The following HNRNPM variants were observed in gnomAD, a reference collection of about 807,000 sequenced individuals.
The protein encoded by HNRNPM is heterogeneous nuclear ribonucleoprotein M, also known as CEA receptor.
HNRNPM carries 11 observed loss-of-function variants against 73.1 expected under a neutral mutation model. The observed-to-expected ratio is 0.15, with a 90% confidence interval of 0.09 to 0.25. The LOEUF is 0.25. HNRNPM is among the 10% of genes least tolerant of loss of function. The probability of loss-of-function intolerance (pLI) is 1.00; values close to 1 mark genes in which losing one functional copy is unlikely to be tolerated. For missense variants in HNRNPM, 789 were observed against 1,067.9 expected (o/e 0.74, Z 3.64); for synonymous variants, 407 against 355.2 (o/e 1.15, Z -1.64).
At chr19:8,473,606 C>A (rs921698113) in intron 10 of HNRNPM, 58 bp from the exon 11 acceptor site, 5 of 1,057,438 alleles carry the variant, frequency 4.7e-6, no homozygotes, top group South Asian at 1.3e-5. Context: ...TTTTTAAGTT[C>A]AAACGTTATT....
In HNRNPM at chr19:8,468,782, G is replaced by C. The variant is rs779460466; in HGVS notation, c.843G>C (p.Arg281Ser). The C allele has an allele frequency of 6.2e-7, 1 of 1,613,470 alleles. No homozygotes were observed. Among genetic ancestry groups the C allele is most frequent in the Non-Finnish European group, 8.5e-7 (1 of 1,179,462 alleles). The change falls in exon 9 of 16, where the codon AGG becomes AGC. Residue 281 changes from arginine to serine, a missense_variant. By Grantham distance (110) the Arg-to-Ser change is moderately radical (BLOSUM62 -1). Transcript: ENST00000325495. ...DRPMHVKMDE[R>S]ALPKGDFFPP... is the part of the protein sequence containing the mutation. ...TTTTCTTTCTCTTTCAGGATGAGAG[G>C]GCCTTACCAAAAGGAGATTTCTTCC...
chr19:8,489,038 T>C lies in HNRNPM; in HGVS notation c.*184T>C, dbSNP rs1568310141. 1.8e-6 allele frequency: 1 copy of C among 557,294 alleles called. No individual in the cohort carries two copies. The highest frequency in any genetic ancestry group is 3.1e-6 in the Non-Finnish European group (1 of 319,504). The allele number at this position is 557,294 out of a possible 1,614,324, so 34.5% of individuals were successfully genotyped here. A position where few individuals can be genotyped will look rare whatever the true frequency, so the allele number is the denominator to read the frequency against. Reference sequence around the variant, plus strand: ...GACTGTTTGCATTGAGATTGCAATGTGCGCAATTTTTTTTGTAGTTGTGGC... The same window carrying C: ...GACTGTTTGCATTGAGATTGCAATGCGCGCAATTTTTTTTGTAGTTGTGGC... On this transcript the variant is annotated 3_prime_UTR_variant, in exon 16 of 16. Coordinates refer to ENST00000325495, the MANE Select transcript of HNRNPM (RefSeq NM_005968.5).
At chr19:8,460,163 A>G (rs1043078806) in intron 2 of HNRNPM, among the ~76,000 whole-genome samples, 6 of 152,230 alleles carry the variant, frequency 3.9e-5, no homozygotes, top group African/African-American at 1.4e-4. Flanking sequence ...GAATGTGACC[A>G]GACTGTTTAC....
chr19:8,481,582 G>A (rs992178471), intron 12 of HNRNPM: 4 of 152,272 alleles, frequency 2.6e-5, no homozygotes, highest in Admixed American at 6.5e-5. Context: ...GCTTGATCTA[G>A]TTCAGGGGTG....
At position 8,474,222 on chromosome 19, in the gene HNRNPM, G is replaced by C. The variant is rs375739833; in HGVS notation, c.1098G>C (p.Gly366=). 6.3e-7 allele frequency: 1 copy of C among 1,595,520 alleles called. No homozygotes were observed. The highest frequency in any genetic ancestry group is 1.1e-5 in the South Asian group (1 of 88,314). ...AAAACATGGGTCGATTTGGATCTGG[G>C]ATGAACATGGGCAGGATAAATGGTA... ...GMENMGRFGS[G]MNMGRINEIL... Residue 366 remains glycine, a synonymous_variant, in exon 12 of 16, where the codon GGG becomes GGC. Coordinates refer to ENST00000325495, the MANE Select transcript of HNRNPM (RefSeq NM_005968.5).
chr19:8,451,565 C>T (rs1449862852), intron 1 of HNRNPM, among the ~76,000 whole-genome samples: 3 of 152,092 alleles, frequency 2.0e-5, no homozygotes, highest in Non-Finnish European at 4.4e-5. Flanking sequence ...GAGACAGGGT[C>T]TCCCGCTGTT....
At chr19:8,486,664 G>A (rs151303366) in intron 14 of HNRNPM, among the ~76,000 whole-genome samples, 1 of 152,232 alleles carries the variant, frequency 6.6e-6, no homozygotes, top group African/African-American at 2.4e-5. Flanking sequence ...TGGTTGGCTT[G>A]AAGAGGCACT....
chr19:8,487,159 G>A (rs938115873), intron 15 of HNRNPM, 84 bp downstream of exon 15: 1 of 1,163,062 alleles, frequency 8.6e-7, no homozygotes, highest in Non-Finnish European at 1.3e-6. Context: ...CTCCCTCCCA[G>A]CCCCCTCCGT....
Position 8,486,056 on chromosome 19 carries a change from G to A in HNRNPM, c.1628G>A (p.Arg543His). ...GCAGGTATGGGAGCTGGCCTGGAGC[G>A]CATGGGCCCCGTGATGGATCGCATG... is the stretch of plus-strand genomic sequence containing the variant. ...VPAGMGAGLE[R>H]MGPVMDRMAT... Residue 543 changes from arginine to histidine, a missense_variant, in exon 14 of 16, where the codon CGC becomes CAC. This residue lies in a region of HNRNPM where 604 missense variants were observed against 744.0 expected (regional missense o/e 0.81). Transcript: ENST00000325495. The A allele has an allele frequency of 1.2e-6, 2 of 1,606,456 alleles. No homozygotes were observed. Among genetic ancestry groups the A allele is most frequent in the Non-Finnish European group, 1.7e-6 (2 of 1,179,626 alleles).
At chr19:8,471,141 C>CAGA (rs1599806863) in intron 9 of HNRNPM, among the ~76,000 whole-genome samples, 185 bp from the exon 10 acceptor site, 1 of 151,540 alleles carries the variant, frequency 6.6e-6, no homozygotes, top group East Asian at 1.9e-4. Flanking sequence ...ATATCCCAAA[C>CAGA]GCCGGAACAA....
chr19:8,479,772 A>T (rs74180129), intron 12 of HNRNPM, among the ~76,000 whole-genome samples: 17,525 of 42,220 alleles, frequency 0.42, 3,306 homozygotes, highest in Non-Finnish European at 0.55. Flanking sequence ...AAAAAAAAAA[A>T]TTTTTTTTTT....
chr19:8,485,236 G>T (rs1971193579), intron 13 of HNRNPM, among the ~76,000 whole-genome samples: 1 of 152,016 alleles, frequency 6.6e-6, no homozygotes. Context: ...GGGTGTCCAT[G>T]CCTCCCCCTG....
intron 12 of HNRNPM, among the ~76,000 whole-genome samples, chr19:8,477,660 C>CAAAAAAAAAAAA (rs35193948): frequency 4.3e-5 from 5 of 117,092 alleles, no homozygotes; most frequent in African/African-American, 1.5e-4. Context: ...AACCCTGTCT[C>CAAAAAAAAAAAA]AAAAAAAAAA....
chr19:8,455,143 T>A (rs1306655261), intron 1 of HNRNPM, among the ~76,000 whole-genome samples: 1 of 152,052 alleles, frequency 6.6e-6, no homozygotes, highest in Non-Finnish European at 1.5e-5. Flanking sequence ...TGGCTAAGTT[T>A]TATATATATT....
At chr19:8,455,612 G>T (rs1348813573) in intron 2 of HNRNPM, 38 bp downstream of exon 2, 1 of 1,553,176 alleles carries the variant, frequency 6.4e-7, no homozygotes, top group South Asian at 1.1e-5. Flanking sequence ...GAGAAGGTTG[G>T]TGTGTCATCT....
In HNRNPM at chr19:8,465,447, A is replaced by G; in HGVS notation, c.562A>G (p.Asn188Asp). The change falls in exon 6 of 16, where the codon AAC becomes GAC. Residue 188 changes from asparagine (N) to aspartate (D), a missense_variant. By Grantham distance (23) the Asn-to-Asp change is conservative. This residue lies in a region of HNRNPM where 604 missense variants were observed against 744.0 expected (regional missense o/e 0.81). Coordinates refer to ENST00000325495, the MANE Select transcript of HNRNPM (RefSeq NM_005968.5). Reference protein sequence around the residue: ...TIPPSILNNPNIPNEIIHALQ... With the variant: ...TIPPSILNNPDIPNEIIHALQ... ...CCCACCCAGTATCCTAAATAATCCC[A>G]ACATCCCAAATGAGATTATCCATGC... The G allele has an allele frequency of 6.2e-7, 1 of 1,613,868 alleles. No homozygotes were observed.
intron 9 of HNRNPM, among the ~76,000 whole-genome samples, chr19:8,470,311 C>G (rs1029382672): frequency 6.6e-6 from 1 of 152,040 alleles, no homozygotes; most frequent in Non-Finnish European, 1.5e-5. Context: ...ACTTTGTTTG[C>G]TTTCTTTCCT....
chr19:8,446,629 C>T (rs1262101894), intron 1 of HNRNPM, among the ~76,000 whole-genome samples: 2 of 152,152 alleles, frequency 1.3e-5, no homozygotes, highest in Non-Finnish European at 2.9e-5. Context: ...TCTGAAACTC[C>T]TGGGTTCAAG....
intron 12 of HNRNPM, among the ~76,000 whole-genome samples, chr19:8,475,903 CTCTTTT>C (rs985732302): frequency 2.7e-4 from 28 of 105,502 alleles, no homozygotes; most frequent in African/African-American, 8.7e-4. Flanking sequence ...CCCCATCTCT[CTCTTTT>C]TTTTTTTTTT....
Sources: allele counts gnomAD v4.1 joint callset (sites outside exome capture counted in the v4.1 genomes callset), GRCh38; gene constraint gnomAD v4.1.1; regional missense constraint gnomAD v4.1.1; transcripts MANE v1.5; gene names NCBI Gene and HGNC (gene_info 2026-07-23, HGNC 2026-07-21).